The following GML variants were observed in gnomAD, a reference collection of about 807,000 sequenced individuals.
GML encodes the protein glycosylphosphatidylinositol anchored molecule like, also known as glycosyl-phosphatidylinositol-anchored molecule-like protein.
Under a neutral mutation model 8.2 loss-of-function variants are expected in GML, and 5 were observed. The ratio of observed to expected loss-of-function variants is 0.61; its 90% confidence interval spans 0.32 to 1.28. GML has a LOEUF of 1.28. GML is among the 50% of genes most tolerant of loss of function. GML has a pLI of 0.06. For synonymous variants in GML, 72 were observed against 69.0 expected (o/e 1.04, Z -0.22); for missense variants, 191 against 198.3 (o/e 0.96, Z 0.22).
chr8:142,838,564 G>C (rs1816374510), intron 1 of GML, among the ~76,000 whole-genome samples: 1 of 152,136 alleles, frequency 6.6e-6, no homozygotes, highest in Non-Finnish European at 1.5e-5. Flanking sequence ...ACTGACTGTT[G>C]AGAAAGCCTC....
chr8:142,836,538 T>G (rs1816344647), intron 1 of GML, among the ~76,000 whole-genome samples: 1 of 152,264 alleles, frequency 6.6e-6, no homozygotes, highest in Non-Finnish European at 1.5e-5. Context: ...TTGAGTGAAC[T>G]GTGGGTTTAT....
At chr8:142,840,997 A>G in intron 2 of GML, 121 bp from the exon 3 acceptor site, 1 of 671,408 alleles carries the variant, frequency 1.5e-6, no homozygotes, top group Non-Finnish European at 2.7e-6. Flanking sequence ...TGTGCAGGCT[A>G]GGAGAAGTCC....
rs1362856298 is a variant in GML, at chr8:142,838,056, C to A, written c.-22-2360C>A. On this transcript the variant is annotated intron_variant, in intron 1 of 3. Coordinates refer to ENST00000220940, the MANE Select transcript of GML (RefSeq NM_002066.3). The stretch of plus-strand genomic sequence containing the variant: ...AATGTATTTGCAATGACAAAGGGTA[C>A]CCTGGGAAGGGCTCGCCCTCTTCGG... Among the ~76,000 whole-genome samples the A allele has an allele frequency of 9.7e-5, 14 of 145,032 alleles. 2 individuals carry two copies. The highest frequency in any genetic ancestry group is 3.1e-4 in the African/African-American group (12 of 38,832).
intron 3 of GML, among the ~76,000 whole-genome samples, chr8:142,842,399 G>A (rs1373565724): frequency 1.3e-5 from 2 of 152,172 alleles, no homozygotes; most frequent in Admixed American, 6.5e-5. Flanking sequence ...CTGAGAATCT[G>A]GGCTTTGTCT....
At chr8:142,838,025 G>A (rs200087692) in intron 1 of GML, among the ~76,000 whole-genome samples, 1 of 134,082 alleles carries the variant, frequency 7.5e-6, no homozygotes, top group Non-Finnish European at 1.6e-5. Flanking sequence ...GGTGCCCAAA[G>A]TGACAAATGT....
chr8:142,836,049 G>C (rs1056780946), intron 1 of GML, among the ~76,000 whole-genome samples: 5 of 152,362 alleles, frequency 3.3e-5, no homozygotes. Flanking sequence ...CGGTTCCTGA[G>C]TTGTCACCTT....
chr8:142,842,499 A>G (rs1563859335), intron 3 of GML, among the ~76,000 whole-genome samples: 1 of 152,222 alleles, frequency 6.6e-6, no homozygotes, highest in Non-Finnish European at 1.5e-5. Context: ...TATCTTTCCC[A>G]TAACTCCCTC....
intron 1 of GML, among the ~76,000 whole-genome samples, chr8:142,839,629 G>A (rs1337472844): frequency 6.6e-6 from 1 of 152,224 alleles, no homozygotes; most frequent in Non-Finnish European, 1.5e-5. Flanking sequence ...CAACCAGGGA[G>A]ATGGAGCTTC....
At chr8:142,844,879 T>A (rs970280133) in intron 3 of GML, among the ~76,000 whole-genome samples, 1 of 152,204 alleles carries the variant, frequency 6.6e-6, no homozygotes, top group African/African-American at 2.4e-5. Context: ...TGTTGTCGGC[T>A]AAAGCTGCGT....
In GML at chr8:142,841,234, C is replaced by G. The variant is rs1263886269; in HGVS notation, c.181+9C>G. 7.7e-7 allele frequency: 1 copy of G among 1,290,564 alleles called. No individual in the cohort carries two copies. Among genetic ancestry groups the G allele is most frequent in the Non-Finnish European group, 1.1e-6 (1 of 885,746 alleles). The allele number at this position is 1,290,564 out of a possible 1,614,324, so 79.9% of individuals were successfully genotyped here. ...TATGACAATCTCCATTCGTAAGTAC[C>G]TCTTTGTCATTTTGACACATTGTAG... is the stretch of plus-strand genomic sequence containing the variant. On this transcript the variant is annotated intron_variant, in intron 3 of 3. Coordinates refer to ENST00000220940, the MANE Select transcript of GML (RefSeq NM_002066.3).
intron 1 of GML, among the ~76,000 whole-genome samples, chr8:142,836,785 C>T (rs1237697197): frequency 6.6e-6 from 1 of 152,278 alleles, no homozygotes; most frequent in Admixed American, 6.5e-5. Context: ...CAACCTGACC[C>T]TGGCTGCCTC....
chr8:142,843,955 G>A (rs1189712117), intron 3 of GML, among the ~76,000 whole-genome samples: 1 of 152,136 alleles, frequency 6.6e-6, no homozygotes, highest in Non-Finnish European at 1.5e-5. Context: ...TCTCAGCAGG[G>A]GTATGTTTGT....
intron 3 of GML, among the ~76,000 whole-genome samples, chr8:142,844,162 A>G (rs908477351): frequency 6.6e-6 from 1 of 152,220 alleles, no homozygotes; most frequent in African/African-American, 2.4e-5. Flanking sequence ...AATAATTCAG[A>G]AAAAGCCACA....
At chr8:142,841,748 C>G (rs959764268) in intron 3 of GML, among the ~76,000 whole-genome samples, 1 of 152,180 alleles carries the variant, frequency 6.6e-6, no homozygotes, top group African/African-American at 2.4e-5. Context: ...GGTGCCCTCT[C>G]TCCCCAGGGC....
chr8:142,845,169 C>T (rs562209043), intron 3 of GML, among the ~76,000 whole-genome samples: 2 of 152,352 alleles, frequency 1.3e-5, no homozygotes, highest in East Asian at 3.9e-4. Flanking sequence ...AAGCCATCCA[C>T]AAAAGCAGAT....
At chr8:142,845,478 G>A (rs1426324789) in intron 3 of GML, among the ~76,000 whole-genome samples, 1 of 152,200 alleles carries the variant, frequency 6.6e-6, no homozygotes, top group Non-Finnish European at 1.5e-5. Flanking sequence ...ACAAGTGACT[G>A]GTTCGTATTC....
At chr8:142,839,663 G>C (rs544867968) in intron 1 of GML, among the ~76,000 whole-genome samples, 6 of 152,322 alleles carry the variant, frequency 3.9e-5, no homozygotes, top group Admixed American at 2.0e-4. Flanking sequence ...GCTGCTGAAG[G>C]GGGGTAGGGG....
chr8:142,840,291 C>T, intron 1 of GML, 125 bp from the exon 2 acceptor site: 2 of 640,326 alleles, frequency 3.1e-6, no homozygotes, highest in East Asian at 2.7e-5. Context: ...AGCTACTGGC[C>T]CAGTGGGGGA....
rs559320300 is a variant in GML at position 142,840,864 on chromosome 8, G to T, written c.74-254G>T. On this transcript the variant is annotated intron_variant, in intron 2 of 3. Coordinates refer to ENST00000220940, the MANE Select transcript of GML (RefSeq NM_002066.3). ...CAGGTCTGCAGAGCATAGCAATCCC[G>T]TATGTGACCACCAGTGGCGCTCTCT... 1.2e-4 allele frequency among the ~76,000 whole-genome samples: 18 copies of T among 152,140 alleles called. 1 individual carries two copies.
Sources: gnomAD v4.1 joint callset for allele counts (sites outside exome capture counted in the v4.1 genomes callset) on GRCh38, gnomAD v4.1.1 for gene constraint, MANE v1.5 for transcripts, NCBI Gene and HGNC (gene_info 2026-07-23, HGNC 2026-07-21) for gene names.